Variants in EVC observed in about 807,000 individuals in gnomAD.
EVC encodes the protein EvC ciliary complex subunit 1, also known as evC complex member EVC.
Under a neutral mutation model 118.9 loss-of-function variants are expected in EVC, and 116 were observed. The observed-to-expected ratio is 0.98, with a 90% CI of 0.84 to 1.14. The LOEUF (loss-of-function observed/expected upper bound fraction) is 1.14. Among genes scored for constraint, EVC ranks in the 50% most tolerant of loss-of-function variants. EVC has a pLI of 0.00. For missense variants in EVC, 1,401 were observed against 1,246.4 expected (o/e 1.12, Z -1.87); for synonymous variants, 619 against 534.7 (o/e 1.16, Z -2.18).
In EVC at chr4:5,743,015, G is replaced by A. The variant is rs1207939890; in HGVS notation, c.801+1201G>A. ...ACTTTCAATTACATGCAAATGAAAG[G>A]GCAGTTCATTGCAAATTGAGGGACA... On this transcript the variant is annotated intron_variant, in intron 6 of 20. Coordinates refer to ENST00000264956, the MANE Select transcript of EVC (RefSeq NM_153717.3). The surrounding 1 kb of genome is among the most constrained non-coding windows in gnomAD (Gnocchi z 4.7). 1.3e-5 allele frequency among the ~76,000 whole-genome samples: 2 copies of A among 152,176 alleles called. No homozygotes were observed. The highest frequency in any genetic ancestry group is 2.9e-5 in the Non-Finnish European group (2 of 68,028).
At chr4:5,760,615 C>T (rs747816904) in intron 11 of EVC, among the ~76,000 whole-genome samples, 1 of 152,104 alleles carries the variant, frequency 6.6e-6, no homozygotes, top group Non-Finnish European at 1.5e-5. Context: ...TGCAATGGTG[C>T]GATCTCAGCT....
At chr4:5,735,382 A>T (rs1422615549) in intron 5 of EVC, among the ~76,000 whole-genome samples, 2 of 152,158 alleles carry the variant, frequency 1.3e-5, no homozygotes, top group South Asian at 2.1e-4. Context: ...CCCTTTGACA[A>T]TTAGGAGCTG....
intron 12 of EVC, among the ~76,000 whole-genome samples, chr4:5,792,293 TAGAA>T (rs762848475): frequency 1.3e-5 from 2 of 152,148 alleles, no homozygotes; most frequent in Non-Finnish European, 2.9e-5. Flanking sequence ...CATCAAAAGT[TAGAA>T]AGTCAAGTTA....
the EVC span, chr4:5,821,898 G>C: frequency 7.1e-7 from 1 of 1,402,798 alleles, no homozygotes; most frequent in Non-Finnish European, 9.6e-7. This position sits in a 1 kb window ranked among gnomAD's most constrained non-coding sequence, Gnocchi z 4.4. Context: ...GTTAGCATCA[G>C]TTCCACGCTG....
At chr4:5,740,721 A>G (rs1251016198) in intron 5 of EVC, among the ~76,000 whole-genome samples, 3 of 152,194 alleles carry the variant, frequency 2.0e-5, no homozygotes, top group African/African-American at 7.2e-5. Flanking sequence ...AGACCAGATA[A>G]GGAAATTTCC....
At chr4:5,767,534 G>C (rs1733115028) in intron 11 of EVC, among the ~76,000 whole-genome samples, 2 of 151,250 alleles carry the variant, frequency 1.3e-5, no homozygotes, top group African/African-American at 4.9e-5. Context: ...TCAGACTGCT[G>C]TGCTAGCAAT....
chr4:5,825,726 G>C, the EVC span: 2 of 1,542,276 alleles, frequency 1.3e-6, no homozygotes, highest in African/African-American at 2.8e-5. This position sits in a 1 kb window ranked among gnomAD's most constrained non-coding sequence, Gnocchi z 4.4. Flanking sequence ...GGCAGATAAA[G>C]CAGAGCCCTG....
intron 2 of EVC, among the ~76,000 whole-genome samples, chr4:5,723,333 G>T (rs539984291): frequency 2.5e-3 from 374 of 152,152 alleles, no homozygotes; most frequent in Non-Finnish European, 4.6e-3. Context: ...GGGATTACAG[G>T]CATGCGCCAC....
chr4:5,751,128 C>G (rs114957827), intron 8 of EVC, among the ~76,000 whole-genome samples: 2,358 of 152,314 alleles, frequency 0.015, 72 homozygotes, highest in African/African-American at 0.053. Context: ...GGGAGGCTCA[C>G]TGTTCCCTGG....
At position 5,765,476 on chromosome 4, in the gene EVC, T is replaced by C. The variant is rs1474954195; in HGVS notation, c.1563+9114T>C. Among the ~76,000 whole-genome samples, 7 of 118,938 alleles carry C rather than the reference T, an allele frequency of 5.9e-5. 1 individual carries two copies. Among genetic ancestry groups the C allele is most frequent in the Non-Finnish European group, 1.1e-4 (6 of 55,010 alleles). 78.0% of individuals were successfully genotyped at this position (118,938 alleles called of 152,430 possible). A position where few individuals can be genotyped will look rare whatever the true frequency, so the allele number is the denominator to read the frequency against. ...GTATCCTTGTTAACTTTCTGTCTCA[T>C]TGATCTGTCTAATGTTGACAGTGGG... On this transcript the variant is annotated intron_variant, in intron 11 of 20. Coordinates refer to ENST00000264956, the MANE Select transcript of EVC (RefSeq NM_153717.3).
At chr4:5,792,366 G>A (rs1712953947) in intron 12 of EVC, among the ~76,000 whole-genome samples, 1 of 152,208 alleles carries the variant, frequency 6.6e-6, no homozygotes, top group African/African-American at 2.4e-5. Context: ...ACTAAGATCT[G>A]ATGAATTATA....
Position 5,738,606 on chromosome 4 carries a change from C to CT in EVC, c.703-3095dup, listed in dbSNP as rs34739954. Among the ~76,000 whole-genome samples the CT allele has an allele frequency of 1.5e-3, 217 of 144,062 alleles. No homozygotes were observed. The highest frequency in any genetic ancestry group is 3.6e-3 in the Middle Eastern group (1 of 276). 94.5% of individuals were successfully genotyped at this position (144,062 alleles called of 152,430 possible). ...CCCTCCACCAGCTAAAAGATTACAA[C>CT]TTTTTTTTTTTTTTTAAGACGGAGA... On this transcript the variant is annotated intron_variant, in intron 5 of 20. Coordinates refer to ENST00000264956, the MANE Select transcript of EVC (RefSeq NM_153717.3). This position sits in a 1 kb window ranked among gnomAD's most constrained non-coding sequence, Gnocchi z 6.5.
At chr4:5,752,642 CACTT>C in intron 8 of EVC, 190 bp from the exon 9 acceptor site, 1 of 673,046 alleles carries the variant, frequency 1.5e-6, no homozygotes, top group African/African-American at 1.8e-5. Context: ...CTAGGAGAGA[CACTT>C]AATCCCCACC....
intron 11 of EVC, among the ~76,000 whole-genome samples, chr4:5,773,967 A>G (rs570117474): frequency 6.6e-6 from 1 of 152,202 alleles, no homozygotes; most frequent in South Asian, 2.1e-4. Context: ...TGTCCAGGGA[A>G]TCCCAGAAAG....
intron 11 of EVC, among the ~76,000 whole-genome samples, chr4:5,760,203 A>G (rs1026421745): frequency 1.3e-5 from 2 of 151,936 alleles, no homozygotes; most frequent in Non-Finnish European, 2.9e-5. Flanking sequence ...GGCCCAATAT[A>G]TTTTCCTTTC....
chr4:5,810,086 G>C (rs865911045), intron 19 of EVC, among the ~76,000 whole-genome samples: 1 of 152,198 alleles, frequency 6.6e-6, no homozygotes, highest in Non-Finnish European at 1.5e-5. Flanking sequence ...GATACCCAGC[G>C]GGAGCCTAGC....
At chr4:5,804,535 TC>T (rs1230555827) in intron 16 of EVC, among the ~76,000 whole-genome samples, 194 bp from the exon 17 acceptor site, 2 of 152,184 alleles carry the variant, frequency 1.3e-5, no homozygotes, top group African/African-American at 4.8e-5. Context: ...CATCATAGTT[TC>T]GCTCTGCAGT....
chr4:5,790,416 T>C (rs1445877385), intron 12 of EVC, among the ~76,000 whole-genome samples: 1 of 152,154 alleles, frequency 6.6e-6, no homozygotes, highest in Non-Finnish European at 1.5e-5. Flanking sequence ...GGCCTCTGTG[T>C]TTAATCTGCA....
chr4:5,794,004 A>G (rs1220477105), intron 13 of EVC, among the ~76,000 whole-genome samples: 1 of 151,952 alleles, frequency 6.6e-6, no homozygotes, highest in African/African-American at 2.4e-5. Flanking sequence ...TAAATTTTAC[A>G]GAGTTCTACC....
Sources: allele counts gnomAD v4.1 joint callset (sites outside exome capture counted in the v4.1 genomes callset), GRCh38; gene constraint gnomAD v4.1.1; non-coding constraint Gnocchi (gnomAD v3.1); transcripts MANE v1.5; gene names NCBI Gene and HGNC (gene_info 2026-07-23, HGNC 2026-07-21).